Variants in SYNPO observed in about 807,000 individuals in gnomAD.
SYNPO encodes the protein synaptopodin.
Under a neutral mutation model 49.5 loss-of-function variants are expected in SYNPO, and 19 were observed. The observed-to-expected ratio is 0.38, with a 90% CI of 0.27 to 0.56. The LOEUF is 0.56. SYNPO is among the 20% of genes least tolerant of loss of function. The pLI is 0.68. For synonymous variants in SYNPO, 536 were observed against 548.0 expected (o/e 0.98, Z 0.31); for missense variants, 1,131 against 1,248.3 (o/e 0.91, Z 1.42).
chr5:150,588,891 T>C, the SYNPO span, among the ~76,000 whole-genome samples: 1 of 152,046 alleles, frequency 6.6e-6, no homozygotes, highest in Non-Finnish European at 1.5e-5. Flanking sequence ...AAAAAATAAA[T>C]TTTCCTTCCC....
At chr5:150,626,906 A>G (rs1757375636) in intron 2 of SYNPO, among the ~76,000 whole-genome samples, 1 of 152,160 alleles carries the variant, frequency 6.6e-6, no homozygotes, top group Non-Finnish European at 1.5e-5. Context: ...GAGGAGAAGC[A>G]TGGGAGGAAC....
upstream of SYNPO, among the ~76,000 whole-genome samples, chr5:150,596,654 A>G (rs553951760): frequency 1.3e-5 from 2 of 152,200 alleles, no homozygotes; most frequent in South Asian, 2.1e-4. Context: ...CCAGAGATGA[A>G]GGTTCCTGGG....
At position 150,640,731 on chromosome 5, in the gene SYNPO, TGG is replaced by T. The variant is rs1757873066; in HGVS notation, c.-454_-453del. On this transcript the variant is annotated 5_prime_UTR_variant, in exon 1 of 3. The change creates a premature stop within an existing upstream ORF in the 5' untranslated region. Transcript: ENST00000307662. Reference sequence around the variant, plus strand: ...CAGCTCCTTCATGTTGCTGCCGATGTGGGATTTTCCTGGCTTCGTCAGCCAAG... The same window carrying T: ...CAGCTCCTTCATGTTGCTGCCGATGTGATTTTCCTGGCTTCGTCAGCCAAG... The T allele has an allele frequency of 2.0e-6, 2 of 985,442 alleles. No individual in the cohort carries two copies. Among genetic ancestry groups the T allele is most frequent in the African/African-American group, 3.5e-5 (2 of 57,230 alleles). 61.0% of individuals were successfully genotyped at this position (985,442 alleles called of 1,614,324 possible). A position where few individuals can be genotyped will look rare whatever the true frequency, so the allele number is the denominator to read the frequency against.
At chr5:150,594,048 C>A in the SYNPO span, among the ~76,000 whole-genome samples, 2 of 152,116 alleles carry the variant, frequency 1.3e-5, no homozygotes, top group Admixed American at 6.5e-5. Context: ...AGGGGCTTAC[C>A]CTGCACGGCT....
intron 1 of SYNPO, among the ~76,000 whole-genome samples, chr5:150,601,403 A>C (rs1756537104): frequency 6.6e-6 from 1 of 152,092 alleles, no homozygotes. Context: ...AGCGGGGCAG[A>C]GACGCCGCCA....
upstream of SYNPO, among the ~76,000 whole-genome samples, chr5:150,640,302 G>A (rs1757854396): frequency 1.3e-5 from 2 of 152,236 alleles, no homozygotes; most frequent in African/African-American, 4.8e-5. Context: ...ATGTGAGACA[G>A]AGGAGGGTTC....
chr5:150,656,267 T>G, intron 2 of SYNPO, 137 bp from the exon 3 acceptor site: 1 of 672,244 alleles, frequency 1.5e-6, no homozygotes, highest in Non-Finnish European at 2.4e-6. Context: ...CTGCGTTTTA[T>G]TGCAGGCACT....
intron 1 of SYNPO, among the ~76,000 whole-genome samples, chr5:150,608,899 G>A (rs965124411): frequency 6.6e-5 from 10 of 152,350 alleles, no homozygotes; most frequent in Admixed American, 4.6e-4. Context: ...CAGTTGCTAT[G>A]ATGCAGGCGT....
chr5:150,636,160 T>C (rs1042918954), upstream of SYNPO, among the ~76,000 whole-genome samples: 14 of 152,358 alleles, frequency 9.2e-5, no homozygotes, highest in African/African-American at 3.4e-4. Context: ...TGGTGTGTAA[T>C]AAATACTTGT....
chr5:150,651,664 G>C (rs1017250704), intron 2 of SYNPO: 1 of 1,001,010 alleles, frequency 1.0e-6, no homozygotes, highest in Non-Finnish European at 1.2e-6. Context: ...GCTGGGGCAG[G>C]TGCATAGCAG....
At chr5:150,643,638 G>A (rs1314554464) in intron 1 of SYNPO, among the ~76,000 whole-genome samples, 2 of 152,080 alleles carry the variant, frequency 1.3e-5, no homozygotes, top group African/African-American at 4.8e-5. Flanking sequence ...TAGTTCAAGC[G>A]ATTCTTTTGC....
chr5:150,609,984 C>T (rs1756804475), intron 1 of SYNPO, among the ~76,000 whole-genome samples: 1 of 152,248 alleles, frequency 6.6e-6, no homozygotes, highest in Non-Finnish European at 1.5e-5. Context: ...AGTCTCAGCC[C>T]CGTATTTATA....
chr5:150,657,024 G>A lies in SYNPO; in HGVS notation c.2649G>A (p.Gly883=), dbSNP rs1382094269. 2 of 1,602,176 alleles carry A rather than the reference G, an allele frequency of 1.2e-6. No homozygotes were observed. Among genetic ancestry groups the A allele is most frequent in the Non-Finnish European group, 1.7e-6 (2 of 1,174,724 alleles). The change falls in exon 3 of 3, where the codon GGG becomes GGA. Residue 883 remains glycine, a synonymous_variant. Transcript: ENST00000307662. ...GILGYNICPR[G]WNGSLRLKRG... is the part of the protein sequence containing the mutation. Reference sequence around the variant, plus strand: ...TGGGCTACAATATCTGTCCCCGCGGGTGGAATGGCAGCCTTCGGCTCAAGC... The same window carrying A: ...TGGGCTACAATATCTGTCCCCGCGGATGGAATGGCAGCCTTCGGCTCAAGC...
rs1554108178 is a variant in SYNPO, at chr5:150,620,948, T to TCTTTCTTTC, written c.400+2181_400+2182insCTTTCTTTC. 4.8e-5 allele frequency among the ~76,000 whole-genome samples: 7 copies of TCTTTCTTTC among 144,906 alleles called. No individual in the cohort carries two copies. In the East Asian group the frequency reaches 1.2e-3, roughly 26 times the overall value. ...TTCTTTCTTTCTTTCTTTCTTTCTT[T>TCTTTCTTTC]TCTTTTCTTTTTTTTTTTTTTTGAG... On this transcript the variant is annotated intron_variant, in intron 2 of 2. Transcript: ENST00000394243.
At chr5:150,651,013 C>G in intron 2 of SYNPO, 1 of 1,229,936 alleles carries the variant, frequency 8.1e-7, no homozygotes, top group Non-Finnish European at 1.0e-6. Flanking sequence ...CCCTCTGAGG[C>G]CTGGCTCTGT....
At chr5:150,595,069 A>G in the SYNPO span, among the ~76,000 whole-genome samples, 3 of 152,164 alleles carry the variant, frequency 2.0e-5, no homozygotes, top group Non-Finnish European at 4.4e-5. Flanking sequence ...ATGCCTAAAA[A>G]ATTGGAAGAC....
chr5:150,643,416 G>A (rs78256461), intron 1 of SYNPO, among the ~76,000 whole-genome samples: 5,359 of 152,330 alleles, frequency 0.035, 132 homozygotes, highest in Non-Finnish European at 0.059. Flanking sequence ...TACTATTGCT[G>A]CAACTGTGTC....
chr5:150,605,957 CAA>C (rs1756682383), intron 1 of SYNPO, among the ~76,000 whole-genome samples: 3 of 152,140 alleles, frequency 2.0e-5, no homozygotes, highest in Non-Finnish European at 4.4e-5. Context: ...CACACTGTTA[CAA>C]AGATACACAC....
At chr5:150,633,414 G>A (rs1018878819) in intron 2 of SYNPO, among the ~76,000 whole-genome samples, 8 of 152,208 alleles carry the variant, frequency 5.3e-5, no homozygotes, top group African/African-American at 1.7e-4. Flanking sequence ...TTAGGGCTCT[G>A]GGAACTCCCT....
Sources: gnomAD v4.1 joint callset for allele counts (sites outside exome capture counted in the v4.1 genomes callset) on GRCh38, gnomAD v4.1.1 for gene constraint, MANE v1.5 for transcripts, NCBI Gene and HGNC (gene_info 2026-07-23, HGNC 2026-07-21) for gene names.